The following CDCP1 variants were observed in gnomAD, a reference collection of about 807,000 sequenced individuals.
The protein encoded by CDCP1 is CUB domain-containing protein 1.
A neutral mutation model predicts 60.2 loss-of-function variants in CDCP1; 29 were observed. That is an observed-to-expected ratio of 0.48 (90% CI 0.36 to 0.66). CDCP1 has a LOEUF of 0.66. Among genes scored for constraint, CDCP1 ranks in the 30% least tolerant of loss-of-function variants. The pLI is 0.00. For synonymous variants in CDCP1, 387 were observed against 431.1 expected (o/e 0.90, Z 1.27); for missense variants, 876 against 1,074.3 (o/e 0.82, Z 2.58).
chr3:45,118,258 C>T (rs1698826117), intron 2 of CDCP1, among the ~76,000 whole-genome samples, 154 bp downstream of exon 2: 1 of 152,226 alleles, frequency 6.6e-6, no homozygotes, highest in East Asian at 1.9e-4. Flanking sequence ...AGAACTCTAA[C>T]TGGCCACATC....
At chr3:45,116,964 T>C (rs1165035575) in intron 2 of CDCP1, among the ~76,000 whole-genome samples, 5 of 152,218 alleles carry the variant, frequency 3.3e-5, no homozygotes, top group African/African-American at 1.2e-4. Flanking sequence ...TTTATACCTT[T>C]AATGCTGTAT....
chr3:45,129,351 C>T (rs573698520), intron 1 of CDCP1, among the ~76,000 whole-genome samples: 44 of 152,266 alleles, frequency 2.9e-4, no homozygotes, highest in African/African-American at 9.9e-4. Context: ...CACACCGTAT[C>T]GGTGAAGGAA....
Position 45,091,609 on chromosome 3 carries a change from A to G in CDCP1, c.1628-71T>C, listed in dbSNP as rs1698297718. 1.7e-5 allele frequency: 25 copies of G among 1,486,364 alleles called. No individual in the cohort carries two copies. The South Asian group carries it at 3.3e-4, about 20-fold the overall frequency. The allele number at this position is 1,486,364 out of a possible 1,614,324, so 92.1% of individuals were successfully genotyped here. On this transcript the variant is annotated intron_variant, in intron 6 of 8. Coordinates refer to ENST00000296129, the MANE Select transcript of CDCP1 (RefSeq NM_022842.5). The surrounding 1 kb of genome is among the most constrained non-coding windows in gnomAD (Gnocchi z 4.8). ...ACATGGAGAGGAAAGGGAGTGGTGG[A>G]GGAGACGAAGTCCAACTGTCCAGAC...
intron 4 of CDCP1, among the ~76,000 whole-genome samples, chr3:45,104,060 T>C (rs1698525471): frequency 6.6e-6 from 1 of 152,258 alleles, no homozygotes; most frequent in African/African-American, 2.4e-5. Context: ...CATCATTTGA[T>C]GTTCTCAGCC....
At chr3:45,108,744 C>CAT (rs201660028) in intron 4 of CDCP1, among the ~76,000 whole-genome samples, 2 of 107,404 alleles carry the variant, frequency 1.9e-5, no homozygotes, top group African/African-American at 9.4e-5. Flanking sequence ...TGCATGTATA[C>CAT]ATATATATGC....
At chr3:45,129,103 T>C (rs1045168032) in intron 1 of CDCP1, among the ~76,000 whole-genome samples, 1 of 152,264 alleles carries the variant, frequency 6.6e-6, no homozygotes, top group Non-Finnish European at 1.5e-5. Flanking sequence ...CTTTGAATCA[T>C]TTTTCTAAAG....
At chr3:45,126,108 C>CTCTCTTTCTT (rs1553610967) in intron 1 of CDCP1, among the ~76,000 whole-genome samples, 8 of 110,010 alleles carry the variant, frequency 7.3e-5, no homozygotes, top group African/African-American at 2.6e-4. Context: ...TTGTCTCTCT[C>CTCTCTTTCTT]TCTTTCTTTC....
chr3:45,126,273 C>CT (rs990674069), intron 1 of CDCP1, among the ~76,000 whole-genome samples: 1 of 131,748 alleles, frequency 7.6e-6, no homozygotes, highest in Non-Finnish European at 1.6e-5. Context: ...CTCTCTGTTT[C>CT]TTTTTTTTGT....
rs1401302861 is a variant in CDCP1, at chr3:45,108,953, A to ATATATATATTTTTTTTTTT, written c.1024+1519_1024+1520insAAAAAAAAAAATATATATA. Among the ~76,000 whole-genome samples, 10 of 41,134 alleles carry ATATATATATTTTTTTTTTT rather than the reference A, an allele frequency of 2.4e-4. 3 individuals carry two copies. Among genetic ancestry groups the ATATATATATTTTTTTTTTT allele is most frequent in the Non-Finnish European group, 4.2e-4 (9 of 21,462 alleles). The allele number at this position is 41,134 out of a possible 152,430, so 27.0% of individuals were successfully genotyped here. Reference sequence around the variant, plus strand: ...CATGTATACATATATATATATATATATTTTTTTTTTTTTTGAGATGGAGTC... The same window carrying ATATATATATTTTTTTTTTT: ...CATGTATACATATATATATATATATATATATATATTTTTTTTTTTTTTTTTTTTTTTTTGAGATGGAGTC... On this transcript the variant is annotated intron_variant, in intron 4 of 8. Coordinates refer to ENST00000296129, the MANE Select transcript of CDCP1 (RefSeq NM_022842.5).
chr3:45,143,814 T>C (rs1380609757), intron 1 of CDCP1, among the ~76,000 whole-genome samples: 1 of 152,020 alleles, frequency 6.6e-6, no homozygotes, highest in Non-Finnish European at 1.5e-5. Context: ...CTCCAAGTCA[T>C]GCAAATCTGT....
chr3:45,089,211 T>G, intron 7 of CDCP1, 70 bp from the exon 8 acceptor site: 1 of 1,268,420 alleles, frequency 7.9e-7, no homozygotes, highest in Non-Finnish European at 1.1e-6. Flanking sequence ...ACTTGAGGCA[T>G]CTCCAAAAGC....
intron 3 of CDCP1, 124 bp downstream of exon 3, chr3:45,111,959 A>G: frequency 7.9e-7 from 1 of 1,259,504 alleles, no homozygotes; most frequent in Non-Finnish European, 1.1e-6. Context: ...AGAGAGCTAG[A>G]TCTTCCTTTA....
chr3:45,111,292 A>T (rs1698688445), intron 3 of CDCP1, among the ~76,000 whole-genome samples: 1 of 152,244 alleles, frequency 6.6e-6, no homozygotes, highest in South Asian at 2.1e-4. Flanking sequence ...CCTTTGTTTT[A>T]AAAATAATTT....
chr3:45,096,216 A>G (rs888108922), intron 4 of CDCP1, among the ~76,000 whole-genome samples: 1 of 152,230 alleles, frequency 6.6e-6, no homozygotes, highest in Non-Finnish European at 1.5e-5. Flanking sequence ...TGACATGGCC[A>G]TGAGTGCCCA....
chr3:45,129,154 G>A (rs1260997116), intron 1 of CDCP1, among the ~76,000 whole-genome samples: 5 of 152,218 alleles, frequency 3.3e-5, no homozygotes, highest in African/African-American at 4.8e-5. Context: ...CTCTTCTGTT[G>A]CATTTTTCCC....
At chr3:45,086,497 C>T (rs963225564) in intron 8 of CDCP1, among the ~76,000 whole-genome samples, 2 of 152,194 alleles carry the variant, frequency 1.3e-5, no homozygotes, top group Non-Finnish European at 2.9e-5. Context: ...TAGTACTTTC[C>T]CGTAGCTCAT....
intron 1 of CDCP1, 85 bp downstream of exon 1, chr3:45,146,121 G>GC: frequency 1.0e-5 from 13 of 1,264,944 alleles, no homozygotes; most frequent in Non-Finnish European, 1.3e-5. Context: ...CGCACCCTGC[G>GC]TCCCTCGGCC....
chr3:45,127,568 T>G (rs978350333), intron 1 of CDCP1, among the ~76,000 whole-genome samples: 1 of 152,182 alleles, frequency 6.6e-6, no homozygotes, highest in Non-Finnish European at 1.5e-5. Context: ...CGATGCAAGT[T>G]TGAGTCAATT....
chr3:45,103,575 C>T (rs1313406104), intron 4 of CDCP1, among the ~76,000 whole-genome samples: 6 of 152,160 alleles, frequency 3.9e-5, no homozygotes, highest in Non-Finnish European at 8.8e-5. Context: ...TGGTCGGTCC[C>T]CAGTGGGGCA....
Sources: gnomAD v4.1 joint callset for allele counts (sites outside exome capture counted in the v4.1 genomes callset) on GRCh38, gnomAD v4.1.1 for gene constraint, Gnocchi (gnomAD v3.1) non-coding constraint, MANE v1.5 for transcripts, NCBI Gene and HGNC (gene_info 2026-07-23, HGNC 2026-07-21) for gene names.